The following DCHS1 variants were observed in gnomAD, a reference collection of about 807,000 sequenced individuals.
The protein encoded by DCHS1 is dachsous cadherin-related 1.
In DCHS1, 78 loss-of-function variants were observed where a neutral mutation model predicts 213.9. That is an observed-to-expected ratio of 0.36 (90% CI 0.30 to 0.44). The LOEUF (loss-of-function observed/expected upper bound fraction) is 0.44, where lower values mean the gene tolerates loss of function less well. Ranked by LOEUF, DCHS1 falls within the 20% of genes least tolerant of loss-of-function variation. DCHS1 has a pLI of 1.00. For missense variants in DCHS1, 3,946 were observed against 4,395.9 expected (o/e 0.90, Z 2.89); for synonymous variants, 1,828 against 1,873.7 (o/e 0.98, Z 0.63).
rs1855757392 is a variant in DCHS1 at position 6,624,313 on chromosome 11, G to C, written c.7363C>G (p.Arg2455Gly). 2 of 1,585,074 alleles carry C rather than the reference G, an allele frequency of 1.3e-6. No homozygotes were observed. The highest frequency in any genetic ancestry group is 1.3e-5 in the African/African-American group (1 of 74,390). Residue 2455 changes from arginine (R) to glycine (G), a missense_variant, in exon 21 of 21, where the codon CGA (arginine) becomes GGA (glycine). Coordinates refer to ENST00000299441, the MANE Select transcript of DCHS1 (RefSeq NM_003737.4). ...SGAVDVVLEA[R>G]DHGAPGRAAR... ...GCCCGGCCTGGAGCCCCGTGGTCTC[G>C]TGCTTCCAGCACCACATCCACTGCT...
intron 1 of DCHS1, among the ~76,000 whole-genome samples, chr11:6,642,862 T>G (rs776806134): frequency 3.1e-4 from 47 of 152,186 alleles, no homozygotes; most frequent in Non-Finnish European, 5.6e-4. Flanking sequence ...GAGGAGGCAC[T>G]TATGGGCATC....
rs1209666427 is a variant in DCHS1, at chr11:6,640,172, G to T, written c.1442C>A (p.Pro481His). The T allele has an allele frequency of 2.5e-6, 4 of 1,613,652 alleles. No homozygotes were observed. In the African/African-American group the frequency reaches 5.3e-5, roughly 22 times the overall value. The change falls in exon 2 of 21, where the codon CCC becomes CAC. Residue 481 changes from proline to histidine, a missense_variant. Transcript: ENST00000299441. This position sits in a 1 kb window ranked among gnomAD's most constrained non-coding sequence, Gnocchi z 6.5. ...AFDRQLYRPE[P>H]LPEVALPGSF... ...GCCAGGCAGCGCAACCTCAGGCAGG[G>T]GCTCAGGTCGGTAGAGCTGGCGGTC... is the stretch of plus-strand genomic sequence containing the variant.
In DCHS1 at chr11:6,628,917, G is replaced by T; in HGVS notation, c.5162-87C>A. ...ACACAGTGTTCATACATGTTCACTA[G>T]GTGCACACAAACCAGAAAATGTCCA... On this transcript the variant is annotated intron_variant, in intron 12 of 20. Transcript: ENST00000299441. The surrounding 1 kb of genome is among the most constrained non-coding windows in gnomAD (Gnocchi z 4.3). 2 of 1,396,594 alleles carry T rather than the reference G, an allele frequency of 1.4e-6. No individual in the cohort carries two copies. The highest frequency in any genetic ancestry group is 2.0e-6 in the Non-Finnish European group (2 of 1,007,466). 86.5% of individuals were successfully genotyped at this position (1,396,594 alleles called of 1,614,324 possible).
In DCHS1 at chr11:6,628,494, G is replaced by T; in HGVS notation, c.5371+127C>A. 9.8e-6 allele frequency: 10 copies of T among 1,015,296 alleles called. No homozygotes were observed. The highest frequency in any genetic ancestry group is 1.5e-5 in the Non-Finnish European group (10 of 670,516). The allele number at this position is 1,015,296 out of a possible 1,614,324, so 62.9% of individuals were successfully genotyped here. The stretch of plus-strand genomic sequence containing the variant: ...AGCTACACTGGGTATAAGCATGAAA[G>T]AAAAGGTGGACGACATCAAGAGGGA... On this transcript the variant is annotated intron_variant, in intron 13 of 20. Coordinates refer to ENST00000299441, the MANE Select transcript of DCHS1 (RefSeq NM_003737.4). The surrounding 1 kb of genome is among the most constrained non-coding windows in gnomAD (Gnocchi z 4.3).
chr11:6,641,351 A>G lies in DCHS1; in HGVS notation c.263T>C (p.Val88Ala). 6.2e-7 allele frequency: 1 copy of G among 1,613,552 alleles called. No individual in the cohort carries two copies. Among genetic ancestry groups the G allele is most frequent in the Non-Finnish European group, 8.5e-7 (1 of 1,179,882 alleles). Reference sequence around the variant, plus strand: ...TTCGTCAATGGCCAGGTCTGTGCCCACGCCGCTGCCCTCTTGGGCAGAGAT... The same window carrying G: ...TTCGTCAATGGCCAGGTCTGTGCCCGCGCCGCTGCCCTCTTGGGCAGAGAT... ...YFISAQEGSG[V>A]GTDLAIDEHS... Residue 88 changes from valine (V) to alanine (A), a missense_variant, in exon 2 of 21, where the codon GTG becomes GCG. By Grantham distance (64) the Val-to-Ala change is moderately conservative. Around this residue, in one of 3 missense-constraint regions of DCHS1, gnomAD observed 3,384 missense variants for 3,780.1 expected, o/e 0.90. Coordinates refer to ENST00000299441, the MANE Select transcript of DCHS1 (RefSeq NM_003737.4). This position sits in a 1 kb window ranked among gnomAD's most constrained non-coding sequence, Gnocchi z 7.1.
At position 6,630,348 on chromosome 11, in the gene DCHS1, G is replaced by T; in HGVS notation, c.4446C>A (p.Pro1482=). The change falls in exon 10 of 21, where the codon CCC becomes CCA. Residue 1482 remains proline (P), a synonymous_variant. Coordinates refer to ENST00000299441, the MANE Select transcript of DCHS1 (RefSeq NM_003737.4). ...GCGCGTCCAGGCGAAGCGCCGGCAC[G>T]GGCGGCTCCTGGCGCAGCAGGCGGT... The part of the protein sequence containing the change: ...VRYRLLRQEP[P]VPALRLDART... 3 of 1,311,972 alleles carry T rather than the reference G, an allele frequency of 2.3e-6. No individual in the cohort carries two copies. Among genetic ancestry groups the T allele is most frequent in the South Asian group, 1.8e-5 (1 of 55,212 alleles). The allele number at this position is 1,311,972 out of a possible 1,614,324, so 81.3% of individuals were successfully genotyped here. A position where few individuals can be genotyped will look rare whatever the true frequency, so the allele number is the denominator to read the frequency against.
In DCHS1 at chr11:6,629,757, C is replaced by T. The variant is rs1255202135; in HGVS notation, c.4950G>A (p.Gln1650=). Reference sequence around the variant, plus strand: ...GCAAGAGGACGCTGTACTCCTGCTGCTGGAAAGTAGGCGCCTCGTCGTTGA... The same window carrying T: ...GCAAGAGGACGCTGTACTCCTGCTGTTGGAAAGTAGGCGCCTCGTCGTTGA... ...ADVNDEAPTF[Q]QQEYSVLLRE... Residue 1650 remains glutamine, a synonymous_variant, in exon 11 of 21, where the codon CAG becomes CAA. Coordinates refer to ENST00000299441, the MANE Select transcript of DCHS1 (RefSeq NM_003737.4). 1.9e-6 allele frequency: 3 copies of T among 1,613,758 alleles called. No homozygotes were observed. The highest frequency in any genetic ancestry group is 2.5e-6 in the Non-Finnish European group (3 of 1,179,904).
chr11:6,624,133 G>C lies in DCHS1; in HGVS notation c.7543C>G (p.His2515Asp). The change falls in exon 21 of 21, where the codon CAT becomes GAT. Residue 2515 changes from histidine (H) to aspartate (D), a missense_variant. By Grantham distance (81) the His-to-Asp change is moderately conservative (BLOSUM62 -1). This residue lies in a region of DCHS1 where 3,384 missense variants were observed against 3,780.1 expected (regional missense o/e 0.90). Coordinates refer to ENST00000299441, the MANE Select transcript of DCHS1 (RefSeq NM_003737.4). ...EATDADGSRS[H>D]AAVDYSIISG... ...ATGATGCTGTAGTCCACAGCGGCATGGCTGCGGCTTCCATCAGCATCTGTA... is the reference window on the plus strand; with the variant it reads ...ATGATGCTGTAGTCCACAGCGGCATCGCTGCGGCTTCCATCAGCATCTGTA... The C allele has an allele frequency of 6.2e-7, 1 of 1,611,812 alleles. No individual in the cohort carries two copies.
At position 6,631,816 on chromosome 11, in the gene DCHS1, G is replaced by A. The variant is rs1855912833; in HGVS notation, c.3482-7C>T. On this transcript the variant is annotated splice_polypyrimidine_tract_variant and splice_region_variant and intron_variant, in intron 6 of 20. Transcript: ENST00000299441. ...TGGAGTGTGGTCACTTCTCCTGGGAGTGCAAGAAGGCGATCATGTACGAGA... is the reference window on the plus strand; with the variant it reads ...TGGAGTGTGGTCACTTCTCCTGGGAATGCAAGAAGGCGATCATGTACGAGA... 16 of 1,516,750 alleles carry A rather than the reference G, an allele frequency of 1.1e-5. No homozygotes were observed. The highest frequency in any genetic ancestry group is 1.4e-5 in the Non-Finnish European group (16 of 1,131,664). 94.0% of individuals were successfully genotyped at this position (1,516,750 alleles called of 1,614,324 possible).
rs1444527885 is a variant in DCHS1, at chr11:6,626,524, GCA to G, written c.6364+26_6364+27del. ...ACCTGCTTCCCCAGTAGCCTGTCCT[GCA>G]CAGAGCCCCTGCTCCTATTTCTTAC... On this transcript the variant is annotated intron_variant, in intron 15 of 20. Transcript: ENST00000299441. The surrounding 1 kb of genome is among the most constrained non-coding windows in gnomAD (Gnocchi z 5.2). 25 of 1,611,582 alleles carry G rather than the reference GCA, an allele frequency of 1.6e-5. No homozygotes were observed. The highest frequency in any genetic ancestry group is 2.1e-5 in the Non-Finnish European group (25 of 1,177,932).
chr11:6,654,952 C>G lies in DCHS1; in HGVS notation c.-121+611G>C, dbSNP rs138217076. Reference sequence around the variant, plus strand: ...AGCTGGGTATCCCAGACACAAACTCCCAGTTGCTCCAATCTCCCACTCAGA... The same window carrying G: ...AGCTGGGTATCCCAGACACAAACTCGCAGTTGCTCCAATCTCCCACTCAGA... On this transcript the variant is annotated intron_variant, in intron 1 of 20. Transcript: ENST00000299441. Among the ~76,000 whole-genome samples the G allele has an allele frequency of 2.9e-3, 442 of 151,746 alleles. 1 individual carries two copies. The highest frequency in any genetic ancestry group is 0.01 in the African/African-American group (413 of 41,226).
chr11:6,632,121 C>A lies in DCHS1; in HGVS notation c.3391G>T (p.Asp1131Tyr). ...GTSVGRVFAT[D>Y]RDSGPNGRLT... ...CGTCCATTGGGTCCTGAGTCTCGGTCAGTGGCAAAGACTCGGCCCACGCTG... is the reference window on the plus strand; with the variant it reads ...CGTCCATTGGGTCCTGAGTCTCGGTAAGTGGCAAAGACTCGGCCCACGCTG... Residue 1131 changes from aspartate to tyrosine, a missense_variant, in exon 6 of 21, where the codon GAC becomes TAC. This residue lies in a region of DCHS1 where 3,384 missense variants were observed against 3,780.1 expected (regional missense o/e 0.90). Coordinates refer to ENST00000299441, the MANE Select transcript of DCHS1 (RefSeq NM_003737.4). This position sits in a 1 kb window ranked among gnomAD's most constrained non-coding sequence, Gnocchi z 5.9. 1 of 1,571,588 alleles carries A rather than the reference C, an allele frequency of 6.4e-7. No homozygotes were observed. Among genetic ancestry groups the A allele is most frequent in the Non-Finnish European group, 8.7e-7 (1 of 1,154,646 alleles).
At chr11:6,653,582 A>T (rs1185201804) in intron 1 of DCHS1, among the ~76,000 whole-genome samples, 1 of 152,256 alleles carries the variant, frequency 6.6e-6, no homozygotes, top group Admixed American at 6.5e-5. Flanking sequence ...GAGTGTGAAG[A>T]AAATAGAAAA....
In DCHS1 at chr11:6,625,932, C is replaced by G; in HGVS notation, c.6719G>C (p.Trp2240Ser). ...TTTAILDREI[W>S]AETRLVLMAT... is the part of the protein sequence containing the mutation. ...GGCCAGGCCTCACCGTGTTTCAGCC[C>G]AGATCTCACGGTCCAGGATGGCTGT... Residue 2240 changes from tryptophan (W) to serine (S), a missense_variant, in exon 17 of 21, where the codon TGG (tryptophan) becomes TCG (serine). Trp to Ser is a radical substitution (Grantham distance 177). Around this residue, in one of 3 missense-constraint regions of DCHS1, gnomAD observed 3,384 missense variants for 3,780.1 expected, o/e 0.90. Transcript: ENST00000299441. The surrounding 1 kb of genome is among the most constrained non-coding windows in gnomAD (Gnocchi z 5.3). The G allele has an allele frequency of 1.9e-6, 3 of 1,613,434 alleles. No homozygotes were observed. Among genetic ancestry groups the G allele is most frequent in the Non-Finnish European group, 2.5e-6 (3 of 1,179,676 alleles).
rs763987345 is a variant in DCHS1 at position 6,624,294 on chromosome 11, C to T, written c.7382G>A (p.Gly2461Asp). Residue 2461 changes from glycine to aspartate, a missense_variant, in exon 21 of 21, where the codon GGC (glycine) becomes GAC (aspartate). Gly to Asp is a moderately conservative substitution (Grantham distance 94). Coordinates refer to ENST00000299441, the MANE Select transcript of DCHS1 (RefSeq NM_003737.4). ...GTGCACTGTGGCTCGTGCTGCCCGG[C>T]CTGGAGCCCCGTGGTCTCGTGCTTC... The part of the protein sequence containing the change: ...VLEARDHGAP[G>D]RAARATVHVQ... 6.3e-7 allele frequency: 1 copy of T among 1,594,812 alleles called. No individual in the cohort carries two copies. Among genetic ancestry groups the T allele is most frequent in the Non-Finnish European group, 8.5e-7 (1 of 1,171,826 alleles).
chr11:6,621,621 C>T lies in DCHS1; in HGVS notation c.*158G>A. 1.2e-6 allele frequency: 1 copy of T among 837,238 alleles called. No homozygotes were observed. Among genetic ancestry groups the T allele is most frequent in the Non-Finnish European group, 2.0e-6 (1 of 509,190 alleles). 51.9% of individuals were successfully genotyped at this position (837,238 alleles called of 1,614,324 possible). A position where few individuals can be genotyped will look rare whatever the true frequency, so the allele number is the denominator to read the frequency against. ...CAACAGGGCTTCTGTGGTCCTAGTACTCTGAGGGGGCTGGGGAGTTCAGGG... is the reference window on the plus strand; with the variant it reads ...CAACAGGGCTTCTGTGGTCCTAGTATTCTGAGGGGGCTGGGGAGTTCAGGG... On this transcript the variant is annotated 3_prime_UTR_variant, in exon 21 of 21. Transcript: ENST00000299441.
intron 1 of DCHS1, among the ~76,000 whole-genome samples, chr11:6,647,697 C>A (rs1856184119): frequency 6.6e-6 from 1 of 152,212 alleles, no homozygotes; most frequent in African/African-American, 2.4e-5. Context: ...AACAATTTTC[C>A]TGAGTTAACA....
Position 6,625,124 on chromosome 11 carries a change from C to T in DCHS1, c.7146+74G>A. 2 of 1,521,078 alleles carry T rather than the reference C, an allele frequency of 1.3e-6. No homozygotes were observed. Among genetic ancestry groups the T allele is most frequent in the Non-Finnish European group, 1.8e-6 (2 of 1,133,988 alleles). 94.2% of individuals were successfully genotyped at this position (1,521,078 alleles called of 1,614,324 possible). ...TCCAACGTCCAGCCCACCTCAGCAGCTGCTAGCTCTGATACTTCCCTCCAA... is the reference window on the plus strand; with the variant it reads ...TCCAACGTCCAGCCCACCTCAGCAGTTGCTAGCTCTGATACTTCCCTCCAA... On this transcript the variant is annotated intron_variant, in intron 19 of 20. Coordinates refer to ENST00000299441, the MANE Select transcript of DCHS1 (RefSeq NM_003737.4). The surrounding 1 kb of genome is among the most constrained non-coding windows in gnomAD (Gnocchi z 5.3).
intron 2 of DCHS1, chr11:6,634,911 C>A (rs778293525): frequency 6.6e-6 from 1 of 152,212 alleles, no homozygotes; most frequent in Non-Finnish European, 1.5e-5. Context: ...TCAAATTTTT[C>A]ATCTCTCTGC....
Sources: allele counts gnomAD v4.1 joint callset (sites outside exome capture counted in the v4.1 genomes callset), GRCh38; gene constraint gnomAD v4.1.1; regional missense constraint gnomAD v4.1.1; non-coding constraint Gnocchi (gnomAD v3.1); transcripts MANE v1.5; gene names NCBI Gene and HGNC (gene_info 2026-07-23, HGNC 2026-07-21).